Variants in EXT2 observed in about 807,000 individuals in gnomAD.
EXT2 encodes the protein exostosin glycosyltransferase 2.
A neutral mutation model predicts 81.6 loss-of-function variants in EXT2; 53 were observed. The observed-to-expected ratio is 0.65, with a 90% CI of 0.52 to 0.82. The LOEUF is 0.82. Among genes scored for constraint, EXT2 ranks in the 40% least tolerant of loss-of-function variants. The pLI is 0.00. For missense variants in EXT2, 774 were observed against 910.2 expected (o/e 0.85, Z 1.93); for synonymous variants, 320 against 340.0 (o/e 0.94, Z 0.65).
chr11:44,099,895 T>A (rs186059182), intron 1 of EXT2, among the ~76,000 whole-genome samples: 1 of 152,306 alleles, frequency 6.6e-6, no homozygotes, highest in Admixed American at 6.5e-5. Flanking sequence ...TTATTCCACC[T>A]CAAGTGCTTG....
chr11:44,115,099 C>G (rs577160286), intron 4 of EXT2, among the ~76,000 whole-genome samples: 1 of 152,330 alleles, frequency 6.6e-6, no homozygotes, highest in African/African-American at 2.4e-5. Flanking sequence ...CTGCACGTCT[C>G]TTAGAGTGAT....
At chr11:44,146,931 A>G (rs755169813) in intron 7 of EXT2, among the ~76,000 whole-genome samples, 1 of 152,236 alleles carries the variant, frequency 6.6e-6, no homozygotes, top group Non-Finnish European at 1.5e-5. Context: ...TCTTATAATA[A>G]AAGCAATTCT....
At chr11:44,127,932 A>G (rs1283999605) in intron 6 of EXT2, among the ~76,000 whole-genome samples, 4 of 152,220 alleles carry the variant, frequency 2.6e-5, no homozygotes, top group African/African-American at 4.8e-5. Context: ...ATTGCAATAA[A>G]CAGAATAGCC....
intron 10 of EXT2, among the ~76,000 whole-genome samples, chr11:44,228,718 CAGCATAGTTTAGT>C (rs1343838812): frequency 6.6e-6 from 1 of 152,142 alleles, no homozygotes; most frequent in Non-Finnish European, 1.5e-5. Flanking sequence ...CCTTTTAGAG[CAGCATAGTTTAGT>C]ATCTGACCCA....
chr11:44,179,977 C>T (rs1955212562), intron 8 of EXT2, among the ~76,000 whole-genome samples: 1 of 152,214 alleles, frequency 6.6e-6, no homozygotes, highest in African/African-American at 2.4e-5. Context: ...GAAAACTTTA[C>T]ACATTGCTTC....
At position 44,147,775 on chromosome 11, in the gene EXT2, C is replaced by CTTT. The variant is rs66961451; in HGVS notation, c.1173+17650_1173+17652dup. On this transcript the variant is annotated intron_variant, in intron 7 of 13. Coordinates refer to ENST00000533608, the MANE Select transcript of EXT2 (RefSeq NM_207122.2). The stretch of plus-strand genomic sequence containing the variant: ...TTTTCCCCCTTGTACTCCACATTGT[C>CTTT]TTTTTTTTTTTTTTTGTAGCAAATT... 3.9e-3 allele frequency among the ~76,000 whole-genome samples: 408 copies of CTTT among 103,356 alleles called. 31 individuals are homozygous for CTTT. Among genetic ancestry groups the CTTT allele is most frequent in the South Asian group, 0.01 (31 of 3,084 alleles). The allele number at this position is 103,356 out of a possible 152,430, so 67.8% of individuals were successfully genotyped here.
At chr11:44,188,882 A>G (rs1955353429) in intron 8 of EXT2, among the ~76,000 whole-genome samples, 1 of 152,212 alleles carries the variant, frequency 6.6e-6, no homozygotes, top group Non-Finnish European at 1.5e-5. Flanking sequence ...TATTGAAAGG[A>G]TCAGAGCTGA....
At chr11:44,224,755 C>A (rs1265678233) in intron 10 of EXT2, among the ~76,000 whole-genome samples, 2 of 152,174 alleles carry the variant, frequency 1.3e-5, no homozygotes, top group Non-Finnish European at 2.9e-5. Context: ...TCCCTGACTG[C>A]AAGTGATGGA....
chr11:44,100,533 G>T (rs4755227), intron 1 of EXT2, among the ~76,000 whole-genome samples: 60,836 of 151,874 alleles, frequency 0.4, 12,575 homozygotes, highest in East Asian at 0.51. Context: ...ATGATAAGGA[G>T]AGTGGAGTTG....
intron 7 of EXT2, among the ~76,000 whole-genome samples, chr11:44,139,165 A>T: frequency 1.4e-5 from 2 of 142,746 alleles, no homozygotes; most frequent in Admixed American, 7.0e-5. Context: ...AATGACTTGT[A>T]GGGAGATAAA....
intron 8 of EXT2, among the ~76,000 whole-genome samples, chr11:44,189,639 C>T (rs950281181): frequency 1.3e-5 from 2 of 152,152 alleles, no homozygotes; most frequent in African/African-American, 2.4e-5. Context: ...ATGAGAACAG[C>T]AAGGGGGAAA....
At position 44,246,733 on chromosome 11, in the gene EXT2, T is replaced by C. The variant is rs777397121; in HGVS notation, c.*2446T>C. On this transcript the variant is annotated 3_prime_UTR_variant, in exon 14 of 14. Transcript: ENST00000533608. ...GTGATGGCGATTCATGGATTCAGAGTGGGCTAGGGACTCCACTTTATTGTT... is the reference window on the plus strand; with the variant it reads ...GTGATGGCGATTCATGGATTCAGAGCGGGCTAGGGACTCCACTTTATTGTT... 6.6e-6 allele frequency among the ~76,000 whole-genome samples: 1 copy of C among 152,114 alleles called. No individual in the cohort carries two copies. The highest frequency in any genetic ancestry group is 2.1e-4 in the South Asian group (1 of 4,828).
intron 10 of EXT2, among the ~76,000 whole-genome samples, chr11:44,218,711 T>A (rs1333139422): frequency 6.6e-6 from 1 of 151,334 alleles, no homozygotes; most frequent in Non-Finnish European, 1.5e-5. Flanking sequence ...GTATAACGTT[T>A]ATATTTTAAA....
Position 44,246,769 on chromosome 11 carries a change from T to A in EXT2, c.*2482T>A, listed in dbSNP as rs1472831736. 6.6e-6 allele frequency among the ~76,000 whole-genome samples: 1 copy of A among 152,242 alleles called. No individual in the cohort carries two copies. The highest frequency in any genetic ancestry group is 6.5e-5 in the Admixed American group (1 of 15,290). On this transcript the variant is annotated 3_prime_UTR_variant, in exon 14 of 14. Transcript: ENST00000533608. ...CTCCACTTTATTGTTCGTGTATTTC[T>A]GAGCTGCTAACCAGCAAACCTCACC...
chr11:44,103,833 A>G (rs1392176090), intron 1 of EXT2: 1 of 241,294 alleles, frequency 4.1e-6, no homozygotes, highest in African/African-American at 2.4e-5. Context: ...TATCTTTTAA[A>G]TATATGCAGC....
At chr11:44,162,575 CAAAAAAAAAAAA>C (rs746211630) in intron 7 of EXT2, among the ~76,000 whole-genome samples, 8 of 45,878 alleles carry the variant, frequency 1.7e-4, no homozygotes, top group Admixed American at 5.9e-4. Context: ...GACTCCATCT[CAAAAAAAAAAAA>C]AAAAAAAAAG....
chr11:44,107,937 T>C lies in EXT2; in HGVS notation c.225T>C (p.Ser75=), dbSNP rs1954081656. The C allele has an allele frequency of 6.2e-7, 1 of 1,614,210 alleles. No homozygotes were observed. The highest frequency in any genetic ancestry group is 8.5e-7 in the Non-Finnish European group (1 of 1,180,040). Residue 75 remains serine (S), a synonymous_variant, in exon 2 of 14, where the codon AGT becomes AGC. Transcript: ENST00000533608. ...DVPVVRLPAD[S]PIPERGDLSC... ...CGGTTGTTAGGCTGCCAGCCGACAGTCCCATCCCAGAGCGGGGGGATCTCA... is the reference window on the plus strand; with the variant it reads ...CGGTTGTTAGGCTGCCAGCCGACAGCCCCATCCCAGAGCGGGGGGATCTCA...
intron 9 of EXT2, among the ~76,000 whole-genome samples, chr11:44,206,445 G>A (rs1955583664): frequency 1.3e-5 from 2 of 152,196 alleles, no homozygotes; most frequent in African/African-American, 4.8e-5. Flanking sequence ...CCTTGGTCGA[G>A]TCGTTTTGCT....
chr11:44,211,787 A>C (rs1185677950), intron 10 of EXT2, among the ~76,000 whole-genome samples: 1 of 152,232 alleles, frequency 6.6e-6, no homozygotes, highest in Non-Finnish European at 1.5e-5. Flanking sequence ...TCCACCACAA[A>C]GAAATAAGTA....
Sources: gnomAD v4.1 joint callset for allele counts (sites outside exome capture counted in the v4.1 genomes callset) on GRCh38, gnomAD v4.1.1 for gene constraint, MANE v1.5 for transcripts, NCBI Gene and HGNC (gene_info 2026-07-23, HGNC 2026-07-21) for gene names.